DENND2B: variants seen among roughly 807,000 people sequenced by gnomAD.
The protein encoded by DENND2B is DENN domain-containing protein 2B.
In DENND2B, 32 loss-of-function variants were observed where a neutral mutation model predicts 116.0. The observed-to-expected ratio is 0.28, with a 90% confidence interval of 0.21 to 0.37. DENND2B has a LOEUF of 0.37. Among genes scored for constraint, DENND2B ranks in the 10% least tolerant of loss-of-function variants. The pLI, the probability that DENND2B is intolerant of heterozygous loss-of-function variation, is 1.00. For missense variants in DENND2B, 1,276 were observed against 1,477.7 expected, an observed-to-expected ratio of 0.86 and a Z score of 2.24; for synonymous variants, 588 against 583.9, an observed-to-expected ratio of 1.01 and a Z score of -0.10.
intron 1 of DENND2B, among the ~76,000 whole-genome samples, chr11:8,890,661 T>C (rs544204828): frequency 6.6e-6 from 1 of 152,124 alleles, no homozygotes; most frequent in Admixed American, 6.6e-5. Flanking sequence ...ATCAAATTAA[T>C]GAAATGAAGT....
intron 2 of DENND2B, chr11:8,877,463 A>G (rs1199425003): frequency 6.6e-6 from 1 of 151,960 alleles, no homozygotes; most frequent in Non-Finnish European, 1.5e-5. Context: ...GGAACAAAGA[A>G]ATCTGTAACT....
At chr11:8,745,376 G>A (rs910388991) in intron 2 of DENND2B, among the ~76,000 whole-genome samples, 1 of 152,166 alleles carries the variant, frequency 6.6e-6, no homozygotes, top group Admixed American at 6.5e-5. Context: ...TGATTTTGGT[G>A]ACAAGATTCC....
At chr11:8,695,862 C>T (rs982979421) in intron 18 of DENND2B, 1 of 412,606 alleles carries the variant, frequency 2.4e-6, no homozygotes, top group African/African-American at 2.0e-5. Context: ...GACAACTCTA[C>T]CATGTTGTTC....
chr11:8,767,899 A>G (rs1237816078), intron 1 of DENND2B, among the ~76,000 whole-genome samples: 1 of 152,100 alleles, frequency 6.6e-6, no homozygotes, highest in Non-Finnish European at 1.5e-5. Context: ...TACTATCACC[A>G]CTAGAGATCT....
chr11:8,827,961 G>A (rs1198007062), intron 4 of DENND2B, among the ~76,000 whole-genome samples: 3 of 152,146 alleles, frequency 2.0e-5, no homozygotes, highest in Non-Finnish European at 4.4e-5. Context: ...CACCAGACTG[G>A]AGGTGGGGAG....
At chr11:8,779,012 A>G (rs900530870) in intron 1 of DENND2B, among the ~76,000 whole-genome samples, 3 of 152,226 alleles carry the variant, frequency 2.0e-5, no homozygotes, top group African/African-American at 7.2e-5. Flanking sequence ...GTAATTATTG[A>G]TCACCACTTT....
At chr11:8,854,047 T>TTTTTTTTTG (rs2063110958) in intron 3 of DENND2B, among the ~76,000 whole-genome samples, 3 of 119,394 alleles carry the variant, frequency 2.5e-5, no homozygotes, top group African/African-American at 9.0e-5. Flanking sequence ...TTTTTTTTTT[T>TTTTTTTTTG]GTAGAGACAG....
rs1251221447 is a variant in DENND2B at position 8,714,725 on chromosome 11, A to G, written c.1846-19T>C. 2.5e-6 allele frequency: 4 copies of G among 1,609,226 alleles called. No individual in the cohort carries two copies. In the African/African-American group the frequency reaches 5.3e-5, roughly 22 times the overall value. On this transcript the variant is annotated intron_variant, in intron 6 of 19. Transcript: ENST00000313726. Reference sequence around the variant, plus strand: ...GGACAAGCTGGGTGAGAAAAGCAGGATGGGTGAGGTAACCTTAACACCAGC... The same window carrying G: ...GGACAAGCTGGGTGAGAAAAGCAGGGTGGGTGAGGTAACCTTAACACCAGC...
At chr11:8,869,428 C>T (rs924107276) in intron 2 of DENND2B, among the ~76,000 whole-genome samples, 6 of 152,102 alleles carry the variant, frequency 3.9e-5, no homozygotes, top group Non-Finnish European at 8.8e-5. Flanking sequence ...TTTGGGAGGC[C>T]CAGGCGGGTG....
At chr11:8,704,312 A>T (rs2042215326) in intron 13 of DENND2B, among the ~76,000 whole-genome samples, 1 of 152,104 alleles carries the variant, frequency 6.6e-6, no homozygotes, top group East Asian at 1.9e-4. Flanking sequence ...AAGGTACTTG[A>T]CTCCCCAAAG....
At chr11:8,877,631 C>A (rs2063858556) in intron 2 of DENND2B, 2 of 152,102 alleles carry the variant, frequency 1.3e-5, no homozygotes, top group South Asian at 4.1e-4. Flanking sequence ...GAATTATCTC[C>A]AGATAAAATA....
intron 1 of DENND2B, among the ~76,000 whole-genome samples, chr11:8,907,190 TAGA>T (rs1359046477): frequency 2.0e-5 from 3 of 152,244 alleles, no homozygotes; most frequent in African/African-American, 7.2e-5. Flanking sequence ...CTTGTGAAGA[TAGA>T]AGTCATTAAA....
At chr11:8,812,411 C>T (rs912130412), upstream of DENND2B, among the ~76,000 whole-genome samples, 2 of 152,148 alleles carry the variant, frequency 1.3e-5, no homozygotes, top group African/African-American at 4.8e-5. Context: ...CTAAACGACT[C>T]TCAAAATCTT....
chr11:8,853,342 G>A (rs975280323), intron 3 of DENND2B, among the ~76,000 whole-genome samples: 5 of 152,110 alleles, frequency 3.3e-5, no homozygotes, highest in Non-Finnish European at 5.9e-5. Context: ...CAGCCTGGGC[G>A]ACAAGAGCAC....
chr11:8,858,706 C>G (rs750309965), intron 2 of DENND2B, among the ~76,000 whole-genome samples: 21 of 152,118 alleles, frequency 1.4e-4, no homozygotes, highest in Non-Finnish European at 3.1e-4. Context: ...AAGACAGGAG[C>G]AGAGGAGCCA....
rs891819645 is a variant in DENND2B, at chr11:8,708,020, A to G, written c.2353-166T>C. 2.6e-6 allele frequency: 4 copies of G among 1,525,248 alleles called. No individual in the cohort carries two copies. In the African/African-American group the frequency reaches 5.5e-5, roughly 21 times the overall value. 94.5% of individuals were successfully genotyped at this position (1,525,248 alleles called of 1,614,324 possible). ...TCTGCAACCAGAGCCCTGAAGGAAC[A>G]GCCACCACTCTCAGGACAGGCCTCA... is the stretch of plus-strand genomic sequence containing the variant. On this transcript the variant is annotated intron_variant, in intron 11 of 19. Coordinates refer to ENST00000313726, the MANE Select transcript of DENND2B (RefSeq NM_213618.2).
chr11:8,714,078 C>T (rs1306593512), intron 7 of DENND2B, 36 bp from the exon 8 acceptor site: 4 of 1,611,536 alleles, frequency 2.5e-6, no homozygotes, highest in Middle Eastern at 1.6e-4. Context: ...ACTTGCTGGA[C>T]CTCACAGCCA....
At chr11:8,787,268 A>C (rs1159760200) in intron 1 of DENND2B, 2 of 152,246 alleles carry the variant, frequency 1.3e-5, no homozygotes, top group African/African-American at 4.8e-5. Flanking sequence ...CTATGCTATA[A>C]GGCAAGATTT....
intron 14 of DENND2B, among the ~76,000 whole-genome samples, chr11:8,701,377 C>T (rs2041631993): frequency 8.2e-6 from 1 of 122,570 alleles, no homozygotes; most frequent in African/African-American, 3.2e-5. Context: ...ACATGAATGA[C>T]ATGCCTGGTC....
Sources: allele counts gnomAD v4.1 joint callset (sites outside exome capture counted in the v4.1 genomes callset), GRCh38; gene constraint gnomAD v4.1.1; transcripts MANE v1.5; gene names NCBI Gene and HGNC (gene_info 2026-07-23, HGNC 2026-07-21).